Variants in CLDN1 observed in about 807,000 individuals in gnomAD.
CLDN1 encodes claudin-1.
In CLDN1, 12 loss-of-function variants were observed where a neutral mutation model predicts 22.6. The observed-to-expected ratio is 0.53, with a 90% CI of 0.34 to 0.86. CLDN1 has a LOEUF of 0.86. CLDN1 is among the 40% of genes least tolerant of loss of function. The pLI is 0.02. For synonymous variants in CLDN1, 99 were observed against 103.8 expected (o/e 0.95, Z 0.28); for missense variants, 250 against 269.5 (o/e 0.93, Z 0.51).
intron 1 of CLDN1, among the ~76,000 whole-genome samples, chr3:190,313,949 G>A (rs1667639042): frequency 6.6e-6 from 1 of 152,064 alleles, no homozygotes; most frequent in Admixed American, 6.5e-5. Context: ...AAACTATGCT[G>A]GTTAGAAGAT....
intron 1 of CLDN1, among the ~76,000 whole-genome samples, chr3:190,319,457 C>T (rs1476302022): frequency 1.3e-5 from 2 of 152,148 alleles, no homozygotes; most frequent in African/African-American, 2.4e-5. Flanking sequence ...AAAGAAGAAG[C>T]CTTGCTCTAT....
Position 190,322,272 on chromosome 3 carries a change from G to A in CLDN1, c.-66C>T, listed in dbSNP as rs1175718920. 1.1e-5 allele frequency: 16 copies of A among 1,443,096 alleles called. No homozygotes were observed. Among genetic ancestry groups the A allele is most frequent in the African/African-American group, 1.4e-5 (1 of 71,432 alleles). 89.4% of individuals were successfully genotyped at this position (1,443,096 alleles called of 1,614,324 possible). On this transcript the variant is annotated 5_prime_UTR_variant, in exon 1 of 4. Coordinates refer to ENST00000295522, the MANE Select transcript of CLDN1 (RefSeq NM_021101.5). ...GCAGAAGGCGGAGAGTTTGCAGGTGGGCAACCCGGACTCCCGAAGGTGGCT... is the reference window on the plus strand; with the variant it reads ...GCAGAAGGCGGAGAGTTTGCAGGTGAGCAACCCGGACTCCCGAAGGTGGCT...
rs777818543 is a variant in CLDN1, at chr3:190,308,351, G to A, written c.562C>T (p.Arg188Ter). The stretch of plus-strand genomic sequence containing the variant: ...GGTGTTGGGTAAGAGGTTGTTTTTC[G>A]GGGACAGGAACAGCAAAGTAGGGCA... ...GGALLCCSCP[R>*]KTTSYPTPRP... The change falls in exon 4 of 4, where the codon CGA becomes TGA. Residue 188 changes from arginine (R) to a stop codon, truncating the protein, a stop_gained. Transcript: ENST00000295522. LOFTEE classifies it high-confidence loss of function. 9.9e-6 allele frequency: 16 copies of A among 1,613,712 alleles called. No individual in the cohort carries two copies. The highest frequency in any genetic ancestry group is 2.2e-5 in the East Asian group (1 of 44,882).
Position 190,306,795 on chromosome 3 carries a change from A to T in CLDN1, c.*1482T>A, listed in dbSNP as rs1300511271. On this transcript the variant is annotated 3_prime_UTR_variant, in exon 4 of 4. Transcript: ENST00000295522. ...ATGTCAGACACAGCTGAAAGAATGG[A>T]AATAGACTGGTAGAGAGAGGAAGGC... 1 of 152,892 alleles carries T rather than the reference A, an allele frequency of 6.5e-6. No individual in the cohort carries two copies. Among genetic ancestry groups the T allele is most frequent in the African/African-American group, 2.4e-5 (1 of 41,474 alleles). 9.5% of individuals were successfully genotyped at this position (152,892 alleles called of 1,614,324 possible).
chr3:190,308,139 T>A lies in CLDN1; in HGVS notation c.*138A>T. On this transcript the variant is annotated 3_prime_UTR_variant, in exon 4 of 4. Coordinates refer to ENST00000295522, the MANE Select transcript of CLDN1 (RefSeq NM_021101.5). ...GCACTGAGTATTTTAACACATGGGT[T>A]TTTTGTTTGTTTGTTTGTTTTGTAA... 3 of 1,051,218 alleles carry A rather than the reference T, an allele frequency of 2.9e-6. No homozygotes were observed. 65.1% of individuals were successfully genotyped at this position (1,051,218 alleles called of 1,614,324 possible). A position where few individuals can be genotyped will look rare whatever the true frequency, so the allele number is the denominator to read the frequency against.
chr3:190,322,211 C>G lies in CLDN1; in HGVS notation c.-5G>C. 2 of 1,613,110 alleles carry G rather than the reference C, an allele frequency of 1.2e-6. No individual in the cohort carries two copies. Among genetic ancestry groups the G allele is most frequent in the Non-Finnish European group, 1.7e-6 (2 of 1,179,858 alleles). ...CTGCAGCCCCGCGTTGGCCATGACT[C>G]GCTCGGGCGCCCGCGCTGGCTCAGG... On this transcript the variant is annotated 5_prime_UTR_variant, in exon 1 of 4. Transcript: ENST00000295522.
At chr3:190,310,141 A>T (rs1217782723) in intron 3 of CLDN1, 28 bp downstream of exon 3, 1 of 1,587,742 alleles carries the variant, frequency 6.3e-7, no homozygotes, top group Non-Finnish European at 8.6e-7. Context: ...CTCAGAAAAC[A>T]AACTATTTTA....
rs1716771473 is a variant in CLDN1 at position 190,316,429 on chromosome 3, A to G, written c.224-3393T>C. On this transcript the variant is annotated intron_variant, in intron 1 of 3. Coordinates refer to ENST00000295522, the MANE Select transcript of CLDN1 (RefSeq NM_021101.5). Reference sequence around the variant, plus strand: ...GCAAAAATAATATACACATGTAGTCACGCACAAAAAGCTGAGAATTAAAAC... The same window carrying G: ...GCAAAAATAATATACACATGTAGTCGCGCACAAAAAGCTGAGAATTAAAAC... Among the ~76,000 whole-genome samples the G allele has an allele frequency of 2.0e-5, 3 of 152,238 alleles. No homozygotes were observed. The South Asian group carries it at 6.2e-4, about 31-fold the overall frequency.
At chr3:190,313,844 G>C (rs1242043771) in intron 1 of CLDN1, among the ~76,000 whole-genome samples, 1 of 151,942 alleles carries the variant, frequency 6.6e-6, no homozygotes, top group Admixed American at 6.6e-5. Context: ...AAATAAACAG[G>C]GTCAAGTTTG....
chr3:190,317,514 A>G (rs1716802001), intron 1 of CLDN1, among the ~76,000 whole-genome samples: 1 of 152,256 alleles, frequency 6.6e-6, no homozygotes, highest in Admixed American at 6.5e-5. Context: ...GTAGAAAGAC[A>G]GACATATATG....
At chr3:190,310,763 C>A (rs980468129) in intron 2 of CLDN1, among the ~76,000 whole-genome samples, 1 of 152,138 alleles carries the variant, frequency 6.6e-6, no homozygotes, top group African/African-American at 2.4e-5. Flanking sequence ...AGAATACCTG[C>A]ATTACTACTG....
At chr3:190,311,758 A>G (rs1716625018) in intron 2 of CLDN1, among the ~76,000 whole-genome samples, 1 of 151,582 alleles carries the variant, frequency 6.6e-6, no homozygotes, top group South Asian at 2.1e-4. Context: ...AGATATATAT[A>G]TACACACAGA....
At chr3:190,318,305 T>G (rs1315278287) in intron 1 of CLDN1, among the ~76,000 whole-genome samples, 2 of 152,346 alleles carry the variant, frequency 1.3e-5, no homozygotes, top group East Asian at 3.9e-4. Flanking sequence ...GCTTCTATAT[T>G]ACCTCCATTA....
chr3:190,321,328 C>A (rs1004944251), intron 1 of CLDN1, among the ~76,000 whole-genome samples: 1 of 152,166 alleles, frequency 6.6e-6, no homozygotes, highest in East Asian at 1.9e-4. Flanking sequence ...CTACAGAAGA[C>A]CTTGGGTCTG....
At position 190,310,271 on chromosome 3, in the gene CLDN1, A is replaced by T; in HGVS notation, c.389-18T>A. On this transcript the variant is annotated intron_variant, in intron 2 of 3. Transcript: ENST00000295522. Reference sequence around the variant, plus strand: ...AGCCAGACCTATAGAAATTCAAAACAAAAGACTGTTAATCACCATGGAACA... The same window carrying T: ...AGCCAGACCTATAGAAATTCAAAACTAAAGACTGTTAATCACCATGGAACA... 1.3e-6 allele frequency: 2 copies of T among 1,593,710 alleles called. No individual in the cohort carries two copies. The highest frequency in any genetic ancestry group is 1.7e-6 in the Non-Finnish European group (2 of 1,161,828).
chr3:190,308,484 C>A lies in CLDN1; in HGVS notation c.474-45G>T, dbSNP rs370330476. 45 of 1,583,530 alleles carry A rather than the reference C, an allele frequency of 2.8e-5. No homozygotes were observed. In the African/African-American group the frequency reaches 5.1e-4, roughly 18 times the overall value. Reference sequence around the variant, plus strand: ...TGCTTGTTAATCAGTGAATTATTGGCAACTTTTCTAATATAATAAAAGGAA... The same window carrying A: ...TGCTTGTTAATCAGTGAATTATTGGAAACTTTTCTAATATAATAAAAGGAA... On this transcript the variant is annotated intron_variant, in intron 3 of 3. Transcript: ENST00000295522.
chr3:190,319,230 C>G (rs9839711), intron 1 of CLDN1, among the ~76,000 whole-genome samples: 19,753 of 152,112 alleles, frequency 0.13, 1,409 homozygotes, highest in Middle Eastern at 0.22. Flanking sequence ...GCGAGAGGTA[C>G]AGGTGAATCA....
chr3:190,310,094 A>C, intron 3 of CLDN1, 75 bp downstream of exon 3: 1 of 1,186,864 alleles, frequency 8.4e-7, no homozygotes, highest in Non-Finnish European at 1.3e-6. Flanking sequence ...AAATGATGGC[A>C]CTAGCAGGAC....
Position 190,322,084 on chromosome 3 carries a change from C to A in CLDN1, c.123G>T (p.Val41=), listed in dbSNP as rs899152848. 6 of 1,614,102 alleles carry A rather than the reference C, an allele frequency of 3.7e-6. No homozygotes were observed. The highest frequency in any genetic ancestry group is 5.1e-6 in the Non-Finnish European group (6 of 1,180,052). Residue 41 remains valine (V), a synonymous_variant, in exon 1 of 4, where the codon GTG becomes GTT. Transcript: ENST00000295522. ...RIYSYAGDNI[V]TAQAMYEGLW... Reference sequence around the variant, plus strand: ...GCCCCTCGTACATGGCCTGGGCGGTCACGATGTTGTCGCCGGCATAGGAGT... The same window carrying A: ...GCCCCTCGTACATGGCCTGGGCGGTAACGATGTTGTCGCCGGCATAGGAGT...
Sources: allele counts gnomAD v4.1 joint callset (sites outside exome capture counted in the v4.1 genomes callset), GRCh38; gene constraint gnomAD v4.1.1; transcripts MANE v1.5; gene names NCBI Gene and HGNC (gene_info 2026-07-23, HGNC 2026-07-21).